NPIPB5: variants seen among roughly 807,000 people sequenced by gnomAD.
NPIPB5 encodes the protein nuclear pore complex interacting protein family member B5.
For synonymous variants in NPIPB5, 1 was observed against 168.2 expected (o/e 0.01, Z 7.69); for missense variants, 10 against 414.7 (o/e 0.02, Z 8.48).
At chr16:22,536,535 A>G, downstream of NPIPB5, 1 of 150,828 alleles carries the variant, frequency 6.6e-6, no homozygotes, top group Non-Finnish European at 1.4e-5. Flanking sequence ...TGCAGTCCTT[A>G]TGTTATTGCT....
At chr16:22,517,856 A>T (rs1260587909) in intron 1 of NPIPB5, among the ~76,000 whole-genome samples, 1 of 128,180 alleles carries the variant, frequency 7.8e-6, no homozygotes, top group African/African-American at 2.8e-5. Context: ...GGGCAGGAAC[A>T]TGGCTGCAGC....
chr16:22,534,103 C>CGGGGGCCGCT lies in NPIPB5; in HGVS notation c.1120_1121insGGGGGCCGCT (p.Leu374ArgfsTer13). On this transcript the variant is annotated frameshift_variant, in exon 7 of 7. Transcript: ENST00000424340. LOFTEE classifies it high-confidence loss of function. ...TCTCAAGACACGTGCCGAGTGTCTG[C>CGGGGGCCGCT]TCCATCCCCTTCCACCCTCAGCGGA... is the stretch of plus-strand genomic sequence containing the variant. 1.0e-6 allele frequency: 1 copy of CGGGGGCCGCT among 972,866 alleles called. No homozygotes were observed. Among genetic ancestry groups the CGGGGGCCGCT allele is most frequent in the African/African-American group, 2.1e-5 (1 of 48,100 alleles). 60.3% of individuals were successfully genotyped at this position (972,866 alleles called of 1,614,324 possible).
In NPIPB5 at chr16:22,514,900, ATATT is replaced by A. The variant is rs1180787011; in HGVS notation, c.120+981_120+984del. Among the ~76,000 whole-genome samples, 154 of 34,484 alleles carry A rather than the reference ATATT, an allele frequency of 4.5e-3. 4 individuals are homozygous for A. Among genetic ancestry groups the A allele is most frequent in the Admixed American group, 9.3e-3 (26 of 2,786 alleles). The allele number at this position is 34,484 out of a possible 152,430, so 22.6% of individuals were successfully genotyped here. On this transcript the variant is annotated intron_variant, in intron 1 of 6. Coordinates refer to ENST00000424340, the Ensembl canonical transcript of NPIPB5. ...CACACACACACACACACACACACAC[ATATT>A]TTTTGAGACAGAGTTTCACTCTGTC...
In NPIPB5 at chr16:22,534,108, T is replaced by TGGGGG. The variant is rs1459915881; in HGVS notation, c.1125_1126insGGGGG (p.Pro376GlyfsTer209). 1 of 899,510 alleles carries TGGGGG rather than the reference T, an allele frequency of 1.1e-6. No homozygotes were observed. Among genetic ancestry groups the TGGGGG allele is most frequent in the African/African-American group, 2.4e-5 (1 of 42,470 alleles). 55.7% of individuals were successfully genotyped at this position (899,510 alleles called of 1,614,324 possible). On this transcript the variant is annotated frameshift_variant, in exon 7 of 7. Transcript: ENST00000424340. LOFTEE classifies it high-confidence loss of function. ...AGACACGTGCCGAGTGTCTGCTCCA[T>TGGGGG]CCCCTTCCACCCTCAGCGGATGATA...
At chr16:22,518,121 G>A (rs1365779343) in intron 1 of NPIPB5, among the ~76,000 whole-genome samples, 13 of 44,776 alleles carry the variant, frequency 2.9e-4, no homozygotes, top group Non-Finnish European at 4.5e-4. Flanking sequence ...CACCATATTG[G>A]CCAGGCTGGT....
upstream of NPIPB5, among the ~76,000 whole-genome samples, chr16:22,510,873 CT>C (rs1242316936): frequency 2.7e-3 from 119 of 43,612 alleles, 2 homozygotes; most frequent in East Asian, 0.018. Context: ...GAAATAATAA[CT>C]TTTTTTTTTT....
chr16:22,536,442 TAAAA>T (rs2049912133), exon 7 of NPIPB5: 1 of 123,570 alleles, frequency 8.1e-6, no homozygotes, highest in Admixed American at 9.2e-5. Flanking sequence ...TAGAACAAAA[TAAAA>T]AATTCAAAAA....
intron 1 of NPIPB5, among the ~76,000 whole-genome samples, chr16:22,514,835 TAC>T (rs776660903): frequency 0.26 from 5,561 of 21,654 alleles, 472 homozygotes; most frequent in Admixed American, 0.28. Flanking sequence ...TTTATATAGA[TAC>T]ACACACACAC....
At position 22,514,891 on chromosome 16, in the gene NPIPB5, C is replaced by CACACACACACAT. The variant is rs2049787100; in HGVS notation, c.120+979_120+980insCATACACACACA. ...ACACACACACACACACACACACACA[C>CACACACACACAT]ACACACACATATTTTTTGAGACAGA... On this transcript the variant is annotated intron_variant, in intron 1 of 6. Transcript: ENST00000424340. Among the ~76,000 whole-genome samples, 2 of 43,832 alleles carry CACACACACACAT rather than the reference C, an allele frequency of 4.6e-5. 1 individual carries two copies. Among genetic ancestry groups the CACACACACACAT allele is most frequent in the African/African-American group, 5.1e-4 (2 of 3,900 alleles). 28.8% of individuals were successfully genotyped at this position (43,832 alleles called of 152,430 possible).
At chr16:22,530,111 TC>T (rs1300119303) in intron 4 of NPIPB5, among the ~76,000 whole-genome samples, 2 of 107,426 alleles carry the variant, frequency 1.9e-5, no homozygotes, top group Admixed American at 9.5e-5. Context: ...TCAGGTGAGA[TC>T]CTTAGGATCA....
At chr16:22,514,835 T>TACAC (rs776660903) in intron 1 of NPIPB5, among the ~76,000 whole-genome samples, 2,226 of 21,962 alleles carry the variant, frequency 0.1, 284 homozygotes, top group Middle Eastern at 0.15. Context: ...TTTATATAGA[T>TACAC]ACACACACAC....
At chr16:22,528,517 CTTTTTTT>C (rs1194681081) in intron 4 of NPIPB5, among the ~76,000 whole-genome samples, 1 of 72,276 alleles carries the variant, frequency 1.4e-5, no homozygotes, top group Admixed American at 1.7e-4. Context: ...CACAGCCAGC[CTTTTTTT>C]TTTTTTTTTT....
exon 7 of NPIPB5, chr16:22,536,248 G>A (rs2049910036): frequency 2.1e-5 from 1 of 47,948 alleles, no homozygotes; most frequent in South Asian, 1.7e-4. Flanking sequence ...GCGGAGGGCC[G>A]CTGACGTGGA....
At chr16:22,527,792 T>C in exon 4 of NPIPB5, 3 of 64,858 alleles carry the variant, frequency 4.6e-5, no homozygotes, top group Non-Finnish European at 5.2e-5. Flanking sequence ...GAGGTCCATT[T>C]GTATGCACAC....
downstream of NPIPB5, chr16:22,536,487 CAAAG>C (rs1488096363): frequency 6.9e-6 from 1 of 144,422 alleles, no homozygotes; most frequent in Non-Finnish European, 1.4e-5. Flanking sequence ...CAAAAACTAA[CAAAG>C]AATAAATAAA....
At chr16:22,536,411 AG>A in exon 7 of NPIPB5, 1 of 94,762 alleles carries the variant, frequency 1.1e-5, no homozygotes, top group Non-Finnish European at 1.7e-5. Context: ...CTCAAGCCTG[AG>A]CAATAAGAAT....
rs1321428077 is a variant in NPIPB5, at chr16:22,514,883, C to CAT, written c.120+963_120+964insTA. Among the ~76,000 whole-genome samples, 24 of 43,820 alleles carry CAT rather than the reference C, an allele frequency of 5.5e-4. 5 individuals carry two copies. The highest frequency in any genetic ancestry group is 5.3e-3 in the African/African-American group (21 of 3,978). 28.7% of individuals were successfully genotyped at this position (43,820 alleles called of 152,430 possible). A position where few individuals can be genotyped will look rare whatever the true frequency, so the allele number is the denominator to read the frequency against. The stretch of plus-strand genomic sequence containing the variant: ...ACACACACACACACACACACACACA[C>CAT]ACACACACACACACACATATTTTTT... On this transcript the variant is annotated intron_variant, in intron 1 of 6. Transcript: ENST00000424340.
intron 4 of NPIPB5, among the ~76,000 whole-genome samples, chr16:22,529,060 C>T: frequency 8.0e-6 from 1 of 125,600 alleles, no homozygotes; most frequent in Admixed American, 8.8e-5. Flanking sequence ...GTCTTGAACT[C>T]CTGACCTCAG....
intron 4 of NPIPB5, among the ~76,000 whole-genome samples, chr16:22,529,054 T>TGA (rs2049850954): frequency 7.8e-6 from 1 of 127,806 alleles, no homozygotes; most frequent in Non-Finnish European, 1.7e-5. Flanking sequence ...AGGCTAGTCT[T>TGA]GAACTCCTGA....
Sources: gnomAD v4.1 joint callset for allele counts (sites outside exome capture counted in the v4.1 genomes callset) on GRCh38, gnomAD v4.1.1 for gene constraint, MANE v1.5 for transcripts, NCBI Gene and HGNC (gene_info 2026-07-23, HGNC 2026-07-21) for gene names.